The following NRG3 variants were observed in gnomAD, a reference collection of about 807,000 sequenced individuals.
The protein encoded by NRG3 is neuregulin 3.
A neutral mutation model predicts 66.9 loss-of-function variants in NRG3; 31 were observed. The observed-to-expected ratio is 0.46, with a 90% CI of 0.35 to 0.63. The LOEUF is 0.63. Ranked by LOEUF, NRG3 falls within the 20% of genes least tolerant of loss-of-function variation. The pLI, the probability that NRG3 is intolerant of heterozygous loss-of-function variation, is 0.00. For missense variants in NRG3, 910 were observed against 878.9 expected, an observed-to-expected ratio of 1.04 and a Z score of -0.45; for synonymous variants, 393 against 359.4, an observed-to-expected ratio of 1.09 and a Z score of -1.06.
At chr10:82,892,447 T>A (rs1197601262) in intron 4 of NRG3, among the ~76,000 whole-genome samples, 1 of 152,068 alleles carries the variant, frequency 6.6e-6, no homozygotes, top group Non-Finnish European at 1.5e-5. Flanking sequence ...GAGGATCGCT[T>A]GAAGCCCAGG....
At chr10:82,781,559 C>T (rs2060119037) in intron 3 of NRG3, among the ~76,000 whole-genome samples, 1 of 152,114 alleles carries the variant, frequency 6.6e-6, no homozygotes, top group African/African-American at 2.4e-5. Context: ...TTCTGATTGG[C>T]TCTCTCATAG....
intron 1 of NRG3, among the ~76,000 whole-genome samples, chr10:81,880,459 C>A (rs1242774217): frequency 1.3e-5 from 2 of 152,258 alleles, no homozygotes; most frequent in East Asian, 3.9e-4. Flanking sequence ...TGAAGCTTTT[C>A]TAAATTCAGG....
At chr10:82,290,322 T>A (rs746069127) in intron 1 of NRG3, among the ~76,000 whole-genome samples, 4 of 152,232 alleles carry the variant, frequency 2.6e-5, no homozygotes, top group Non-Finnish European at 5.9e-5. Context: ...ATTTGTTCAG[T>A]GCTCTCACTG....
At chr10:82,575,849 G>T (rs182381947) in intron 2 of NRG3, among the ~76,000 whole-genome samples, 39 of 151,776 alleles carry the variant, frequency 2.6e-4, no homozygotes, top group African/African-American at 9.2e-4. Flanking sequence ...TAAGTTCAAC[G>T]TATGTCAAGA....
intron 1 of NRG3, among the ~76,000 whole-genome samples, chr10:81,901,675 GA>G (rs1276171491): frequency 6.6e-6 from 1 of 151,988 alleles, no homozygotes; most frequent in Non-Finnish European, 1.5e-5. Context: ...CTCTAAAAAA[GA>G]AAAGTAAAAT....
intron 2 of NRG3, among the ~76,000 whole-genome samples, chr10:82,515,228 C>T (rs979047249): frequency 5.9e-5 from 9 of 152,130 alleles, no homozygotes; most frequent in Admixed American, 4.6e-4. Flanking sequence ...CAGAACAAAA[C>T]AAAAGCAAAC....
intron 1 of NRG3, among the ~76,000 whole-genome samples, chr10:82,004,641 G>C (rs1412252297): frequency 2.0e-5 from 3 of 152,150 alleles, no homozygotes; most frequent in Non-Finnish European, 2.9e-5. Context: ...GTATGTTAAA[G>C]TTCTAACCAC....
intron 1 of NRG3, among the ~76,000 whole-genome samples, chr10:82,255,416 T>C (rs927685265): frequency 2.0e-5 from 3 of 152,140 alleles, no homozygotes; most frequent in Admixed American, 1.3e-4. Flanking sequence ...TGGACTTTAG[T>C]TGATAACTTC....
intron 2 of NRG3, among the ~76,000 whole-genome samples, chr10:82,433,111 C>T (rs115741616): frequency 6.6e-6 from 1 of 152,284 alleles, no homozygotes; most frequent in African/African-American, 2.4e-5. Context: ...TTCCTCACAG[C>T]CTTACCAGCA....
chr10:82,156,801 T>C (rs554163385), intron 1 of NRG3, among the ~76,000 whole-genome samples: 1 of 151,706 alleles, frequency 6.6e-6, no homozygotes, highest in Admixed American at 6.6e-5. Flanking sequence ...ATTAATAATA[T>C]AGGTATGATT....
Position 82,223,523 on chromosome 10 carries a change from T to A in NRG3, c.824-135216T>A, listed in dbSNP as rs545721983. ...GGCCTATCAACTCAGTTGGAGAGAA[T>A]CAGAACTGGACATTTTGAACAATGG... On this transcript the variant is annotated intron_variant, in intron 1 of 8. Transcript: ENST00000372141. Among the ~76,000 whole-genome samples the A allele has an allele frequency of 1.1e-3, 163 of 152,152 alleles. 3 individuals are homozygous for A. In the South Asian group the frequency reaches 0.031, roughly 29 times the overall value.
intron 1 of NRG3, among the ~76,000 whole-genome samples, chr10:82,148,222 G>GC (rs35360186): frequency 0.017 from 2,643 of 152,168 alleles, 80 homozygotes; most frequent in African/African-American, 0.059. Flanking sequence ...ACTGATTGCG[G>GC]GGGGGTGGCT....
intron 2 of NRG3, among the ~76,000 whole-genome samples, chr10:82,465,336 A>C (rs1840574273): frequency 6.6e-6 from 1 of 152,178 alleles, no homozygotes; most frequent in South Asian, 2.1e-4. Flanking sequence ...AAAGTTGTCT[A>C]AACGAAGAAT....
chr10:82,562,885 C>G (rs1248092623), intron 2 of NRG3, among the ~76,000 whole-genome samples: 2 of 152,126 alleles, frequency 1.3e-5, no homozygotes, highest in East Asian at 3.9e-4. Flanking sequence ...TCCCTGAATC[C>G]TAACATGGCA....
chr10:82,877,562 G>GTTTTTTTTT, intron 4 of NRG3, among the ~76,000 whole-genome samples: 1 of 109,302 alleles, frequency 9.1e-6, no homozygotes, highest in Non-Finnish European at 1.7e-5. Flanking sequence ...TTTTTTTTTG[G>GTTTTTTTTT]ATTTTTAGTG....
chr10:81,881,911 C>A (rs1347392168), intron 1 of NRG3, among the ~76,000 whole-genome samples: 2 of 151,728 alleles, frequency 1.3e-5, no homozygotes, highest in Non-Finnish European at 2.9e-5. Flanking sequence ...CAATAATAAA[C>A]CCTTGCCCTG....
At chr10:82,666,050 C>T (rs1317137368) in intron 2 of NRG3, among the ~76,000 whole-genome samples, 1 of 152,256 alleles carries the variant, frequency 6.6e-6, no homozygotes, top group East Asian at 1.9e-4. Context: ...TTAGTAGAGA[C>T]AGGGTTTCGC....
intron 1 of NRG3, among the ~76,000 whole-genome samples, chr10:82,199,331 T>G (rs1378992565): frequency 1.3e-5 from 2 of 152,148 alleles, no homozygotes; most frequent in East Asian, 3.9e-4. Flanking sequence ...ATGAAGCAAA[T>G]TTGTAGTGCA....
At chr10:81,881,600 T>G (rs2132477155) in intron 1 of NRG3, among the ~76,000 whole-genome samples, 1 of 152,332 alleles carries the variant, frequency 6.6e-6, no homozygotes, top group South Asian at 2.1e-4. Context: ...GTTTCAAATG[T>G]TTACTAAGTA....
Sources: allele counts gnomAD v4.1 joint callset (sites outside exome capture counted in the v4.1 genomes callset), GRCh38; gene constraint gnomAD v4.1.1; transcripts MANE v1.5; gene names NCBI Gene and HGNC (gene_info 2026-07-23, HGNC 2026-07-21).